NBEA: variants seen among roughly 807,000 people sequenced by gnomAD.
NBEA encodes the protein lysosomal-trafficking regulator 2.
In NBEA, 44 loss-of-function variants were observed where a neutral mutation model predicts 343.4. That is an observed-to-expected ratio of 0.13 (90% CI 0.10 to 0.16). The LOEUF (loss-of-function observed/expected upper bound fraction) is 0.16. Among genes scored for constraint, NBEA ranks in the 10% least tolerant of loss-of-function variants. The pLI, the probability that NBEA is intolerant of heterozygous loss-of-function variation, is 1.00. For missense variants in NBEA, 2,555 were observed against 3,631.3 expected (o/e 0.70, Z 7.62); for synonymous variants, 1,175 against 1,238.7 (o/e 0.95, Z 1.08).
chr13:35,119,335 A>G (rs2152671392), intron 16 of NBEA, among the ~76,000 whole-genome samples: 1 of 152,274 alleles, frequency 6.6e-6, no homozygotes, highest in Admixed American at 6.5e-5. Flanking sequence ...ATTGTGAAAA[A>G]GAGTTTGGAA....
At chr13:35,536,726 C>G (rs752564194) in intron 41 of NBEA, among the ~76,000 whole-genome samples, 1 of 152,146 alleles carries the variant, frequency 6.6e-6, no homozygotes. Flanking sequence ...GTTGATTCAG[C>G]TAGTCGTGGA....
intron 47 of NBEA, 57 bp downstream of exon 47, chr13:35,593,504 T>C (rs1313586935): frequency 3.5e-6 from 5 of 1,440,180 alleles, no homozygotes; most frequent in Non-Finnish European, 4.8e-6. Flanking sequence ...GAAATTTTGA[T>C]TTTTTTAAGT....
intron 27 of NBEA, among the ~76,000 whole-genome samples, chr13:35,176,747 A>G (rs1354643247): frequency 6.6e-6 from 1 of 151,988 alleles, no homozygotes; most frequent in African/African-American, 2.4e-5. Flanking sequence ...TTATTCTGCT[A>G]TAACTTTACC....
intron 31 of NBEA, among the ~76,000 whole-genome samples, chr13:35,203,977 A>G (rs1175860452): frequency 3.3e-5 from 5 of 152,180 alleles, no homozygotes; most frequent in African/African-American, 1.2e-4. Context: ...GGTAAGGAAT[A>G]TGTAGAATAG....
At chr13:35,561,595 C>T (rs1280618945) in intron 44 of NBEA, among the ~76,000 whole-genome samples, 14 of 151,876 alleles carry the variant, frequency 9.2e-5, no homozygotes, top group Non-Finnish European at 1.6e-4. Context: ...ATTTTATGAC[C>T]CATTTCTTAA....
In NBEA at chr13:35,286,658, C is replaced by A. The variant is rs1295760432; in HGVS notation, c.5777-3731C>A. On this transcript the variant is annotated intron_variant, in intron 34 of 58. Coordinates refer to ENST00000379939, the MANE Select transcript of NBEA (RefSeq NM_001385012.1). ...TCTTTATTAAAATAATATCATTGTA[C>A]CTTTTAGTAGTGTTTGTATTAAATA... Among the ~76,000 whole-genome samples, 7 of 152,014 alleles carry A rather than the reference C, an allele frequency of 4.6e-5. No homozygotes were observed. In the East Asian group the frequency reaches 1.3e-3, roughly 29 times the overall value.
intron 4 of NBEA, among the ~76,000 whole-genome samples, chr13:35,045,829 G>A (rs1320000242): frequency 6.6e-6 from 1 of 152,082 alleles, no homozygotes; most frequent in African/African-American, 2.4e-5. Flanking sequence ...CCGGGTTCAA[G>A]CAATTCTCCT....
intron 38 of NBEA, among the ~76,000 whole-genome samples, chr13:35,354,691 T>G (rs1008811387): frequency 1.8e-4 from 27 of 152,136 alleles, no homozygotes; most frequent in African/African-American, 6.0e-4. Context: ...TCTGTTTAAT[T>G]CTCCTTAGTA....
At chr13:35,590,370 C>T (rs979488233) in intron 46 of NBEA, among the ~76,000 whole-genome samples, 2 of 152,008 alleles carry the variant, frequency 1.3e-5, no homozygotes, top group African/African-American at 2.4e-5. Context: ...AATATGTGAC[C>T]TTAAGACAGT....
At chr13:35,119,399 A>G (rs1237597930) in intron 16 of NBEA, among the ~76,000 whole-genome samples, 2 of 152,232 alleles carry the variant, frequency 1.3e-5, no homozygotes, top group African/African-American at 2.4e-5. Context: ...TTACTTGGCC[A>G]TTTATATCAA....
chr13:35,506,691 C>A (rs1347690891), intron 41 of NBEA, among the ~76,000 whole-genome samples: 1 of 152,058 alleles, frequency 6.6e-6, no homozygotes, highest in African/African-American at 2.4e-5. Flanking sequence ...TATTTCATTG[C>A]AATTTTTCAA....
intron 10 of NBEA, among the ~76,000 whole-genome samples, chr13:35,072,815 G>T (rs1351970758): frequency 1.3e-5 from 2 of 152,050 alleles, no homozygotes; most frequent in African/African-American, 4.8e-5. Flanking sequence ...CACCTGCCTT[G>T]GCATCCCAAA....
rs769128094 is a variant in NBEA at position 35,159,520 on chromosome 13, A to G, written c.3349A>G (p.Ile1117Val). ...LQNNVHGSVG[I>V]IKKNEEKDNG... ...GAACAATGTACATGGAAGTGTTGGT[A>G]TCATTAAAAAAAATGAAGAAAAGGA... is the stretch of plus-strand genomic sequence containing the variant. The change falls in exon 22 of 59, where the codon ATC becomes GTC. Residue 1117 changes from isoleucine (I) to valine (V), a missense_variant. This residue lies in a region of NBEA where 367 missense variants were observed against 377.5 expected (regional missense o/e 0.97). Transcript: ENST00000379939. The G allele has an allele frequency of 3.7e-6, 6 of 1,613,032 alleles. No individual in the cohort carries two copies. The highest frequency in any genetic ancestry group is 4.2e-6 in the Non-Finnish European group (5 of 1,179,638).
intron 36 of NBEA, among the ~76,000 whole-genome samples, chr13:35,341,790 G>GTACAGCCA (rs1187720963): frequency 5.3e-5 from 8 of 152,030 alleles, no homozygotes; most frequent in Non-Finnish European, 7.4e-5. Flanking sequence ...ATGTGAAATA[G>GTACAGCCA]TACAGCCACT....
At chr13:35,620,901 A>G (rs1249770365) in intron 48 of NBEA, among the ~76,000 whole-genome samples, 1 of 152,136 alleles carries the variant, frequency 6.6e-6, no homozygotes. Flanking sequence ...GAGCATGCGG[A>G]GTAGTGATGG....
intron 40 of NBEA, among the ~76,000 whole-genome samples, chr13:35,454,394 C>G (rs987240396): frequency 6.6e-6 from 1 of 152,136 alleles, no homozygotes; most frequent in Non-Finnish European, 1.5e-5. Flanking sequence ...TACATCAATA[C>G]GTAACTGTTT....
chr13:35,423,464 A>G (rs1422286391), intron 38 of NBEA, among the ~76,000 whole-genome samples: 1 of 152,118 alleles, frequency 6.6e-6, no homozygotes, highest in Admixed American at 6.5e-5. Context: ...AGTTGTAGAT[A>G]TGCGTCATTA....
At chr13:34,982,614 A>G (rs2060395554) in intron 1 of NBEA, among the ~76,000 whole-genome samples, 1 of 152,096 alleles carries the variant, frequency 6.6e-6, no homozygotes, top group East Asian at 1.9e-4. Context: ...TTTCGAATTT[A>G]AATCCATTGT....
chr13:35,383,923 T>C (rs2042120003), intron 38 of NBEA, among the ~76,000 whole-genome samples: 1 of 152,048 alleles, frequency 6.6e-6, no homozygotes, highest in African/African-American at 2.4e-5. Flanking sequence ...GTTTCTTCTA[T>C]GTTTGGCATA....
Sources: gnomAD v4.1 joint callset for allele counts (sites outside exome capture counted in the v4.1 genomes callset) on GRCh38, gnomAD v4.1.1 for gene constraint, gnomAD v4.1.1 regional missense constraint, MANE v1.5 for transcripts, NCBI Gene and HGNC (gene_info 2026-07-23, HGNC 2026-07-21) for gene names.